The following CAMK1D variants were observed in gnomAD, a reference collection of about 807,000 sequenced individuals.
CAMK1D encodes calcium/calmodulin-dependent protein kinase type 1D.
In CAMK1D, 9 loss-of-function variants were observed where a neutral mutation model predicts 47.7. That is an observed-to-expected ratio of 0.19 (90% CI 0.11 to 0.33). CAMK1D has a LOEUF of 0.33. Ranked by LOEUF, CAMK1D falls within the 10% of genes least tolerant of loss-of-function variation. CAMK1D has a pLI of 1.00. For synonymous variants in CAMK1D, 184 were observed against 184.9 expected (o/e 0.99, Z 0.04); for missense variants, 291 against 488.7 (o/e 0.60, Z 3.81).
At chr10:12,693,982 T>A (rs1362426927) in intron 3 of CAMK1D, among the ~76,000 whole-genome samples, 5 of 1,974 alleles carry the variant, frequency 2.5e-3, no homozygotes, top group Admixed American at 6.8e-3. Context: ...TAATATATAT[T>A]ATATATACAT....
intron 3 of CAMK1D, among the ~76,000 whole-genome samples, chr10:12,689,185 G>A (rs1320619396): frequency 6.6e-6 from 1 of 152,176 alleles, no homozygotes; most frequent in South Asian, 2.1e-4. Context: ...GTCTCAGGAG[G>A]TTTCCCTAAG....
intron 1 of CAMK1D, among the ~76,000 whole-genome samples, chr10:12,394,649 G>A (rs1280484527): frequency 6.6e-6 from 1 of 152,188 alleles, no homozygotes; most frequent in Admixed American, 6.5e-5. Context: ...CACCTGGGAG[G>A]TGGTAGCGTT....
At chr10:12,681,626 C>A (rs1832439395) in intron 3 of CAMK1D, among the ~76,000 whole-genome samples, 1 of 152,160 alleles carries the variant, frequency 6.6e-6, no homozygotes, top group Non-Finnish European at 1.5e-5. Flanking sequence ...TCATTTATTC[C>A]AAATATTTAT....
At chr10:12,623,499 T>C (rs796593932) in intron 2 of CAMK1D, among the ~76,000 whole-genome samples, 205 of 29,952 alleles carry the variant, frequency 6.8e-3, no homozygotes, top group African/African-American at 9.2e-3. Context: ...TTCTTTCCTT[T>C]CTCCCTTCCT....
At chr10:12,694,627 A>G (rs1455446064) in intron 3 of CAMK1D, among the ~76,000 whole-genome samples, 1 of 108,988 alleles carries the variant, frequency 9.2e-6, no homozygotes, top group Non-Finnish European at 1.9e-5. Flanking sequence ...AATATATATT[A>G]AAATATAACT....
intron 3 of CAMK1D, among the ~76,000 whole-genome samples, chr10:12,749,367 T>C (rs1485678820): frequency 6.6e-6 from 1 of 151,072 alleles, no homozygotes; most frequent in Non-Finnish European, 1.5e-5. Context: ...GTTGCAGTGT[T>C]CCCATTCGGT....
At chr10:12,619,235 T>C (rs1162446728) in intron 2 of CAMK1D, among the ~76,000 whole-genome samples, 1 of 152,238 alleles carries the variant, frequency 6.6e-6, no homozygotes, top group Non-Finnish European at 1.5e-5. Context: ...ATCCCTGTTT[T>C]TCTCCTGAGG....
intron 5 of CAMK1D, among the ~76,000 whole-genome samples, chr10:12,772,875 G>A (rs1837105560): frequency 6.6e-6 from 1 of 152,164 alleles, no homozygotes; most frequent in East Asian, 1.9e-4. Context: ...CTTCAGAGTA[G>A]GGAAGGGGCT....
At chr10:12,370,962 T>C (rs546665026) in intron 1 of CAMK1D, among the ~76,000 whole-genome samples, 302 of 152,240 alleles carry the variant, frequency 2.0e-3, no homozygotes, top group Non-Finnish European at 3.6e-3. Context: ...AAAAAGCTTA[T>C]AGAATAAGGA....
chr10:12,595,083 T>C (rs1386785033), intron 2 of CAMK1D, among the ~76,000 whole-genome samples: 1 of 152,074 alleles, frequency 6.6e-6, no homozygotes. Context: ...GCCTCATGCC[T>C]GTAATCCCAA....
chr10:12,637,117 G>A (rs935886250), intron 2 of CAMK1D, among the ~76,000 whole-genome samples: 3 of 152,002 alleles, frequency 2.0e-5, no homozygotes, highest in Admixed American at 6.6e-5. Context: ...GATTATAGAT[G>A]TGCACCACCA....
intron 3 of CAMK1D, among the ~76,000 whole-genome samples, chr10:12,702,647 T>C (rs1476442655): frequency 1.3e-5 from 2 of 152,214 alleles, no homozygotes; most frequent in African/African-American, 4.8e-5. Context: ...TCAGTTATGA[T>C]GATCCCAGTT....
At chr10:12,678,153 T>C (rs528113029) in intron 3 of CAMK1D, among the ~76,000 whole-genome samples, 1 of 152,306 alleles carries the variant, frequency 6.6e-6, no homozygotes, top group African/African-American at 2.4e-5. Flanking sequence ...CTATAAATTT[T>C]CCTCTTAGCA....
chr10:12,736,824 G>T (rs1157268673), intron 3 of CAMK1D, among the ~76,000 whole-genome samples: 1 of 152,168 alleles, frequency 6.6e-6, no homozygotes, highest in Admixed American at 6.5e-5. Flanking sequence ...ACGAGGAACT[G>T]GCAGAACTCA....
At chr10:12,701,699 G>A (rs745533910) in intron 3 of CAMK1D, among the ~76,000 whole-genome samples, 1 of 152,178 alleles carries the variant, frequency 6.6e-6, no homozygotes, top group Non-Finnish European at 1.5e-5. Context: ...CATAAATTCA[G>A]GCAGTTTGAG....
At chr10:12,643,293 G>A (rs958715633) in intron 2 of CAMK1D, among the ~76,000 whole-genome samples, 15 of 152,124 alleles carry the variant, frequency 9.9e-5, no homozygotes, top group Non-Finnish European at 2.2e-4. Context: ...GAGCCATCGT[G>A]CCCGGCCACA....
intron 1 of CAMK1D, among the ~76,000 whole-genome samples, chr10:12,520,347 T>C (rs1217537060): frequency 2.2e-5 from 2 of 89,034 alleles, no homozygotes; most frequent in South Asian, 5.9e-4. Flanking sequence ...CAGGCAGAGA[T>C]GCTCCTCACT....
At chr10:12,725,912 A>G (rs1482351153) in intron 3 of CAMK1D, among the ~76,000 whole-genome samples, 1 of 151,690 alleles carries the variant, frequency 6.6e-6, no homozygotes, top group Non-Finnish European at 1.5e-5. Flanking sequence ...GCCCACCATC[A>G]CACCCAGCTA....
intron 1 of CAMK1D, among the ~76,000 whole-genome samples, chr10:12,505,421 C>T (rs897111875): frequency 8.5e-5 from 13 of 152,124 alleles, no homozygotes; most frequent in Non-Finnish European, 1.6e-4. Context: ...GGCAGTAAAA[C>T]GGGTGTAGAA....
Sources: allele counts gnomAD v4.1 joint callset (sites outside exome capture counted in the v4.1 genomes callset), GRCh38; gene constraint gnomAD v4.1.1; transcripts MANE v1.5; gene names NCBI Gene and HGNC (gene_info 2026-07-23, HGNC 2026-07-21).